STXBP5L: variants seen among roughly 807,000 people sequenced by gnomAD.
The protein encoded by STXBP5L is syntaxin binding protein 5L.
STXBP5L carries 65 observed loss-of-function variants against 144.5 expected under a neutral mutation model. The ratio of observed to expected loss-of-function variants is 0.45; its 90% CI spans 0.37 to 0.55. The LOEUF (loss-of-function observed/expected upper bound fraction) is 0.55. STXBP5L is among the 20% of genes least tolerant of loss of function. The pLI is 0.00. For synonymous variants in STXBP5L, 505 were observed against 469.6 expected (o/e 1.08, Z -0.97); for missense variants, 1,298 against 1,405.5 (o/e 0.92, Z 1.22).
intron 10 of STXBP5L, among the ~76,000 whole-genome samples, chr3:121,210,743 A>T (rs2048529492): frequency 6.6e-6 from 1 of 151,988 alleles, no homozygotes; most frequent in African/African-American, 2.4e-5. Flanking sequence ...ATAGTTGTAG[A>T]TGTGTGGTAT....
At chr3:121,280,136 G>T (rs1218390635) in intron 19 of STXBP5L, among the ~76,000 whole-genome samples, 180 bp downstream of exon 19, 1 of 151,658 alleles carries the variant, frequency 6.6e-6, no homozygotes, top group African/African-American at 2.4e-5. Flanking sequence ...TCTTTGAAAG[G>T]GTCAGGGGTG....
At chr3:121,327,415 AAT>A (rs2044183937) in intron 20 of STXBP5L, among the ~76,000 whole-genome samples, 1 of 152,192 alleles carries the variant, frequency 6.6e-6, no homozygotes, top group Non-Finnish European at 1.5e-5. Flanking sequence ...AAAGGTTTAT[AAT>A]CTGCTGCTGT....
chr3:121,103,242 A>T (rs13101234), intron 5 of STXBP5L, among the ~76,000 whole-genome samples: 134 of 152,274 alleles, frequency 8.8e-4, no homozygotes, highest in Non-Finnish European at 1.8e-3. Flanking sequence ...TGTCACATGT[A>T]TGTTCATTGC....
chr3:121,165,996 C>T (rs1036933566), intron 9 of STXBP5L, among the ~76,000 whole-genome samples: 9 of 150,946 alleles, frequency 6.0e-5, no homozygotes, highest in African/African-American at 2.2e-4. Context: ...GTATTTTAGA[C>T]ATATTAAGAT....
chr3:121,146,938 A>T (rs2045733763), intron 7 of STXBP5L, among the ~76,000 whole-genome samples: 1 of 152,082 alleles, frequency 6.6e-6, no homozygotes, highest in Non-Finnish European at 1.5e-5. Flanking sequence ...GTATAATTTG[A>T]TAGAACTAAA....
chr3:121,143,816 T>G (rs926855240), intron 7 of STXBP5L, among the ~76,000 whole-genome samples: 1 of 151,870 alleles, frequency 6.6e-6, no homozygotes, highest in Non-Finnish European at 1.5e-5. Context: ...CAAAATGGAT[T>G]AAAGACTTAA....
At position 121,239,911 on chromosome 3, in the gene STXBP5L, C is replaced by T. The variant is rs186381001; in HGVS notation, c.1333-529C>T. On this transcript the variant is annotated intron_variant, in intron 13 of 26. Coordinates refer to ENST00000471454, the MANE Select transcript of STXBP5L (RefSeq NM_001308330.2). ...AGAAAATAAAAAGACTCAGGTCTTC[C>T]TAGTTTATAATTAATTAATGGTTTA... is the stretch of plus-strand genomic sequence containing the variant. Among the ~76,000 whole-genome samples, 824 of 151,562 alleles carry T rather than the reference C, an allele frequency of 5.4e-3. 12 individuals carry two copies. Among genetic ancestry groups the T allele is most frequent in the African/African-American group, 0.019 (790 of 41,402 alleles).
chr3:121,073,776 C>A lies in STXBP5L; in HGVS notation c.470+28241C>A, dbSNP rs371372269. On this transcript the variant is annotated intron_variant, in intron 5 of 26. Transcript: ENST00000471454. ...TTGCCAAAAGCGAGTAATTTGGAAT[C>A]CAAATGTGACAGAAACCATCTGCCC... Among the ~76,000 whole-genome samples the A allele has an allele frequency of 4.9e-4, 75 of 152,160 alleles. 1 individual carries two copies. In the South Asian group the frequency reaches 0.015, roughly 29 times the overall value.
At chr3:121,375,641 A>G (rs1311212771) in intron 20 of STXBP5L, among the ~76,000 whole-genome samples, 1 of 152,242 alleles carries the variant, frequency 6.6e-6, no homozygotes, top group Non-Finnish European at 1.5e-5. Context: ...TAAGTGTTTG[A>G]TAAATGTTAA....
chr3:121,125,214 A>ATTC (rs1211553149), intron 7 of STXBP5L, among the ~76,000 whole-genome samples: 2 of 152,112 alleles, frequency 1.3e-5, no homozygotes, highest in Non-Finnish European at 2.9e-5. Context: ...CACACCTGTA[A>ATTC]TTCCAGCACT....
Position 121,311,616 on chromosome 3 carries a change from T to C in STXBP5L, c.2111-6859T>C, listed in dbSNP as rs551986423. On this transcript the variant is annotated intron_variant, in intron 19 of 26. Transcript: ENST00000471454. ...AATTGCTTCAAAGAGAATAAAATACTTAGGAATCCAACTTACAAGGGACGT... is the reference window on the plus strand; with the variant it reads ...AATTGCTTCAAAGAGAATAAAATACCTAGGAATCCAACTTACAAGGGACGT... Among the ~76,000 whole-genome samples the C allele has an allele frequency of 5.9e-5, 9 of 152,190 alleles. No individual in the cohort carries two copies. In the South Asian group the frequency reaches 1.0e-3, roughly 18 times the overall value.
chr3:121,331,823 T>TA (rs1390424271), intron 20 of STXBP5L, among the ~76,000 whole-genome samples: 1 of 151,922 alleles, frequency 6.6e-6, no homozygotes, highest in African/African-American at 2.4e-5. Flanking sequence ...AATAACTAAA[T>TA]AAAAAAGTGC....
chr3:121,197,411 T>C (rs1293915940), intron 9 of STXBP5L, among the ~76,000 whole-genome samples: 1 of 152,170 alleles, frequency 6.6e-6, no homozygotes, highest in East Asian at 1.9e-4. Flanking sequence ...TTTCCATATG[T>C]TCATGCCTTT....
chr3:120,975,283 G>T (rs1435651523), intron 3 of STXBP5L, among the ~76,000 whole-genome samples: 1 of 152,048 alleles, frequency 6.6e-6, no homozygotes, highest in South Asian at 2.1e-4. Flanking sequence ...GGATTCCTAG[G>T]TGTTTTATTC....
chr3:121,140,680 A>T (rs956499681), intron 7 of STXBP5L, among the ~76,000 whole-genome samples: 5 of 152,164 alleles, frequency 3.3e-5, no homozygotes, highest in South Asian at 2.1e-4. Flanking sequence ...GTGGAATTTT[A>T]AAAAATTGAT....
chr3:121,370,924 C>T (rs1341508200), intron 20 of STXBP5L, among the ~76,000 whole-genome samples: 2 of 152,082 alleles, frequency 1.3e-5, no homozygotes, highest in Non-Finnish European at 2.9e-5. Flanking sequence ...TATTGTGATT[C>T]TTAGCTTTTT....
chr3:121,235,173 T>C (rs1195028725), intron 12 of STXBP5L, among the ~76,000 whole-genome samples: 1 of 152,092 alleles, frequency 6.6e-6, no homozygotes, highest in Non-Finnish European at 1.5e-5. Context: ...TGTATTAAAA[T>C]CTATGTGGCA....
intron 5 of STXBP5L, among the ~76,000 whole-genome samples, chr3:121,091,694 G>GCCCTTTGTCAGATGAGTAT (rs1560118408): frequency 5.9e-5 from 9 of 151,832 alleles, no homozygotes; most frequent in Non-Finnish European, 1.3e-4. Context: ...CAGATGAGTA[G>GCCCTTTGTCAGATGAGTAT]GTTGCGAAAA....
intron 3 of STXBP5L, among the ~76,000 whole-genome samples, chr3:121,018,807 C>T (rs918057405): frequency 5.3e-5 from 8 of 152,100 alleles, no homozygotes; most frequent in Non-Finnish European, 1.2e-4. Flanking sequence ...ATGTGGAGAC[C>T]CACATCATGA....
Sources: gnomAD v4.1 joint callset for allele counts (sites outside exome capture counted in the v4.1 genomes callset) on GRCh38, gnomAD v4.1.1 for gene constraint, MANE v1.5 for transcripts, NCBI Gene and HGNC (gene_info 2026-07-23, HGNC 2026-07-21) for gene names.